PGR: variants seen among roughly 807,000 people sequenced by gnomAD.
PGR encodes nuclear receptor subfamily 3 group C member 3.
PGR carries 25 observed loss-of-function variants against 76.1 expected under a neutral mutation model. The ratio of observed to expected loss-of-function variants is 0.33; its 90% CI spans 0.24 to 0.46. The LOEUF (loss-of-function observed/expected upper bound fraction) is 0.46. Among genes scored for constraint, PGR ranks in the 20% least tolerant of loss-of-function variants. The pLI is 1.00. For missense variants in PGR, 1,172 were observed against 1,225.3 expected (o/e 0.96, Z 0.65); for synonymous variants, 579 against 535.0 (o/e 1.08, Z -1.14).
intron 2 of PGR, among the ~76,000 whole-genome samples, chr11:101,107,822 T>A (rs1381130300): frequency 1.4e-5 from 2 of 139,420 alleles, no homozygotes; most frequent in African/African-American, 5.5e-5. Context: ...GATTCTGTTA[T>A]AACTTTCTAG....
chr11:101,082,756 C>T (rs951770031), intron 3 of PGR, among the ~76,000 whole-genome samples: 3 of 152,008 alleles, frequency 2.0e-5, no homozygotes, highest in Non-Finnish European at 2.9e-5. Context: ...CATGTATGCT[C>T]ATATGCATGA....
Position 101,030,154 on chromosome 11 carries a change from G to GT in PGR, c.*8961dup. 1 of 219,660 alleles carries GT rather than the reference G, an allele frequency of 4.6e-6. No individual in the cohort carries two copies. The highest frequency in any genetic ancestry group is 9.1e-6 in the Non-Finnish European group (1 of 109,712). The allele number at this position is 219,660 out of a possible 1,614,324, so 13.6% of individuals were successfully genotyped here. A position where few individuals can be genotyped will look rare whatever the true frequency, so the allele number is the denominator to read the frequency against. On this transcript the variant is annotated 3_prime_UTR_variant, in exon 8 of 8. Transcript: ENST00000325455. ...GGACCTACTACTTACTCAAAATAGG[G>GT]TAGTAGCATTAATAACTAAATAGGG...
intron 6 of PGR, among the ~76,000 whole-genome samples, chr11:101,049,415 G>A (rs1177178951): frequency 6.6e-6 from 1 of 152,086 alleles, no homozygotes; most frequent in Non-Finnish European, 1.5e-5. Flanking sequence ...TCTTTACCAA[G>A]TACTATGTAC....
rs747683112 is a variant in PGR, at chr11:101,091,885, A to C, written c.1790-9T>G. On this transcript the variant is annotated splice_polypyrimidine_tract_variant and intron_variant, in intron 2 of 7. Transcript: ENST00000325455. The stretch of plus-strand genomic sequence containing the variant: ...TAAGTAGTTGTGCTGCCCTAAAAAA[A>C]CAAAATGAGTCAAAATTATTTACAA... The C allele has an allele frequency of 8.0e-6, 11 of 1,370,520 alleles. No homozygotes were observed. In the East Asian group the frequency reaches 2.5e-4, roughly 31 times the overall value. 84.9% of individuals were successfully genotyped at this position (1,370,520 alleles called of 1,614,324 possible). A position where few individuals can be genotyped will look rare whatever the true frequency, so the allele number is the denominator to read the frequency against.
chr11:101,103,888 G>A (rs142770622), intron 2 of PGR, among the ~76,000 whole-genome samples: 40 of 152,160 alleles, frequency 2.6e-4, no homozygotes, highest in Non-Finnish European at 3.5e-4. Flanking sequence ...TCTGTTATAC[G>A]TGTTCTACCA....
chr11:101,090,246 C>T (rs1861636628), intron 3 of PGR, among the ~76,000 whole-genome samples: 1 of 152,094 alleles, frequency 6.6e-6, no homozygotes, highest in African/African-American at 2.4e-5. Context: ...ACATAAATTT[C>T]TCTAGGTTAT....
Position 101,128,777 on chromosome 11 carries a change from G to A in PGR, c.294C>T (p.Gly98=), listed in dbSNP as rs909507244. 6.2e-7 allele frequency: 1 copy of A among 1,614,066 alleles called. No individual in the cohort carries two copies. The highest frequency in any genetic ancestry group is 1.3e-5 in the African/African-American group (1 of 75,074). ...SRAEATRGAG[G]SSSSPPEKDS... is the part of the protein sequence containing the mutation. ...CCTTTTCTGGGGGACTAGAACTGCTGCCTCCAGCACCCCTTGTAGCTTCAG... is the reference window on the plus strand; with the variant it reads ...CCTTTTCTGGGGGACTAGAACTGCTACCTCCAGCACCCCTTGTAGCTTCAG... Residue 98 remains glycine, a synonymous_variant, in exon 1 of 8, where the codon GGC becomes GGT. Coordinates refer to ENST00000325455, the MANE Select transcript of PGR (RefSeq NM_000926.4).
chr11:101,091,850 T>G lies in PGR; in HGVS notation c.1816A>C (p.Arg606=), dbSNP rs1297070552. Residue 606 remains arginine (R), a synonymous_variant, in exon 3 of 8, where the codon AGA becomes CGA. Transcript: ENST00000325455. ...ATTTTATCAACGATGCAGTCATTTC[T>G]TCCAGCACATAAGTAGTTGTGCTGC... ...EGQHNYLCAG[R]NDCIVDKIRR... 7.5e-6 allele frequency: 12 copies of G among 1,607,368 alleles called. No individual in the cohort carries two copies. In the South Asian group the frequency reaches 1.1e-4, roughly 15 times the overall value.
intron 6 of PGR, among the ~76,000 whole-genome samples, chr11:101,043,048 G>A (rs1286189397): frequency 6.6e-6 from 1 of 152,106 alleles, no homozygotes; most frequent in African/African-American, 2.4e-5. Context: ...CAACAATGAA[G>A]TTTGCTGCAT....
At chr11:101,103,673 T>C (rs932798865) in intron 2 of PGR, among the ~76,000 whole-genome samples, 1 of 152,218 alleles carries the variant, frequency 6.6e-6, no homozygotes, top group Non-Finnish European at 1.5e-5. Flanking sequence ...GGAAATCTAA[T>C]GTCAACCCAA....
At chr11:101,097,432 T>C (rs1208852914) in intron 2 of PGR, among the ~76,000 whole-genome samples, 1 of 152,230 alleles carries the variant, frequency 6.6e-6, no homozygotes, top group Non-Finnish European at 1.5e-5. Context: ...GTATTCCTAT[T>C]GTATACTTTG....
chr11:101,097,246 A>AC (rs1453789085), intron 2 of PGR, among the ~76,000 whole-genome samples: 1 of 152,090 alleles, frequency 6.6e-6, no homozygotes, highest in East Asian at 1.9e-4. Context: ...TCCTTGGATT[A>AC]CCCCCAAACT....
rs1348757947 is a variant in PGR, at chr11:101,038,097, T to C, written c.*1019A>G. The C allele has an allele frequency of 1.0e-5, 2 of 197,112 alleles. No individual in the cohort carries two copies. Among genetic ancestry groups the C allele is most frequent in the Non-Finnish European group, 2.1e-5 (2 of 95,088 alleles). The allele number at this position is 197,112 out of a possible 1,614,324, so 12.2% of individuals were successfully genotyped here. A position where few individuals can be genotyped will look rare whatever the true frequency, so the allele number is the denominator to read the frequency against. On this transcript the variant is annotated 3_prime_UTR_variant, in exon 8 of 8. Transcript: ENST00000325455. ...GGAAGAAATTTCATGGTAAAAAGAT[T>C]TGCATGGCTGAAACATAATATGAAT... is the stretch of plus-strand genomic sequence containing the variant.
At chr11:101,076,232 A>C (rs1260095810) in intron 3 of PGR, among the ~76,000 whole-genome samples, 1 of 149,770 alleles carries the variant, frequency 6.7e-6, no homozygotes, top group African/African-American at 2.5e-5. Flanking sequence ...AAAACCAAAC[A>C]CTGCATGTTC....
chr11:101,108,391 T>G (rs1036206316), intron 2 of PGR, among the ~76,000 whole-genome samples: 1 of 151,840 alleles, frequency 6.6e-6, no homozygotes, highest in Non-Finnish European at 1.5e-5. Context: ...TATCTGGAGG[T>G]TGAGGTGGGA....
intron 2 of PGR, among the ~76,000 whole-genome samples, chr11:101,103,170 A>G (rs1211273238): frequency 6.6e-6 from 1 of 151,960 alleles, no homozygotes; most frequent in African/African-American, 2.4e-5. Context: ...CAAGGAGTGA[A>G]ATGGTGAAAG....
rs753995453 is a variant in PGR, at chr11:101,126,060, T to A, written c.1736A>T (p.Tyr579Phe). The change falls in exon 2 of 8, where the codon TAT becomes TTT. Residue 579 changes from tyrosine (Y) to phenylalanine (F), a missense_variant. Physicochemically the swap from Tyr to Phe is conservative, Grantham distance 22. This residue lies in a region of PGR where 40 missense variants were observed against 82.7 expected (regional missense o/e 0.48). Transcript: ENST00000325455. ...ICGDEASGCHYGVLTCGSCKV... is the reference protein window; with the variant it reads ...ICGDEASGCHFGVLTCGSCKV... ...ACAGCTCCCACAGGTAAGGACACCA[T>A]AATGACAGCCTGATGCTTCATCCCC... 6.2e-7 allele frequency: 1 copy of A among 1,614,108 alleles called. No homozygotes were observed. Among genetic ancestry groups the A allele is most frequent in the Non-Finnish European group, 8.5e-7 (1 of 1,179,968 alleles).
chr11:101,127,901 C>T lies in PGR; in HGVS notation c.1170G>A (p.Glu390=). Residue 390 remains glutamate (E), a synonymous_variant, in exon 1 of 8, where the codon GAG becomes GAA. Transcript: ENST00000325455. ...FQPPALKIKE[E]EEGAEASARS... ...GCGCGGAGGCCTCCGCGCCTTCCTC[C>T]TCCTCCTTTATCTTTAGAGCGGGCG... 6.2e-7 allele frequency: 1 copy of T among 1,610,108 alleles called. No individual in the cohort carries two copies. The highest frequency in any genetic ancestry group is 8.5e-7 in the Non-Finnish European group (1 of 1,179,602).
chr11:101,045,874 T>C (rs1859858227), intron 6 of PGR, among the ~76,000 whole-genome samples: 2 of 152,076 alleles, frequency 1.3e-5, no homozygotes, highest in African/African-American at 4.8e-5. Context: ...GTGGGATTGC[T>C]AGATAGAATG....
Sources: gnomAD v4.1 joint callset for allele counts (sites outside exome capture counted in the v4.1 genomes callset) on GRCh38, gnomAD v4.1.1 for gene constraint, gnomAD v4.1.1 regional missense constraint, MANE v1.5 for transcripts, NCBI Gene and HGNC (gene_info 2026-07-23, HGNC 2026-07-21) for gene names.